Variants in UNC13C observed in about 807,000 individuals in gnomAD.
UNC13C encodes the protein protein unc-13 homolog C.
In UNC13C, 174 loss-of-function variants were observed where a neutral mutation model predicts 245.4. That is an observed-to-expected ratio of 0.71 (90% CI 0.63 to 0.80). The LOEUF is 0.80. UNC13C is among the 30% of genes least tolerant of loss of function. The pLI is 0.00. For synonymous variants in UNC13C, 992 were observed against 895.1 expected, an observed-to-expected ratio of 1.11 and a Z score of -1.93; for missense variants, 2,829 against 2,602.9, an observed-to-expected ratio of 1.09 and a Z score of -1.89.
At chr15:54,439,774 A>G (rs1423280670) in intron 19 of UNC13C, among the ~76,000 whole-genome samples, 1 of 152,010 alleles carries the variant, frequency 6.6e-6, no homozygotes, top group African/African-American at 2.4e-5. Context: ...TATCATTCCT[A>G]TGAATTGGGA....
chr15:53,954,908 C>A, the UNC13C span, among the ~76,000 whole-genome samples: 4 of 152,078 alleles, frequency 2.6e-5, no homozygotes, highest in Non-Finnish European at 4.4e-5. Context: ...TAGGTTGTAC[C>A]ATTAGGCTTT....
intron 17 of UNC13C, among the ~76,000 whole-genome samples, chr15:54,385,530 A>G (rs1050511766): frequency 6.7e-6 from 1 of 149,814 alleles, no homozygotes; most frequent in Admixed American, 6.7e-5. Context: ...TAGATACCAG[A>G]CACTGGGAAA....
At chr15:54,391,492 C>T (rs999180924) in intron 17 of UNC13C, among the ~76,000 whole-genome samples, 3 of 151,872 alleles carry the variant, frequency 2.0e-5, no homozygotes, top group Admixed American at 2.0e-4. Context: ...GCATTACTGT[C>T]CATTACTTCC....
chr15:54,551,236 C>T (rs1896723315), intron 28 of UNC13C, among the ~76,000 whole-genome samples: 1 of 152,008 alleles, frequency 6.6e-6, no homozygotes, highest in Admixed American at 6.6e-5. Context: ...AGTTGGTTGT[C>T]TCTGCTCTCA....
chr15:54,265,567 G>C lies in UNC13C; in HGVS notation c.3818+71G>C, dbSNP rs74013569. ...AATGAATTTAAGACAGGCATACAAA[G>C]GATGCAATAATTATCTCATTTTTTA... is the stretch of plus-strand genomic sequence containing the variant. On this transcript the variant is annotated intron_variant, in intron 10 of 32. Transcript: ENST00000260323. The C allele has an allele frequency of 6.0e-6, 7 of 1,161,188 alleles. No homozygotes were observed. In the African/African-American group the frequency reaches 1.1e-4, roughly 18 times the overall value. The allele number at this position is 1,161,188 out of a possible 1,614,324, so 71.9% of individuals were successfully genotyped here. A position where few individuals can be genotyped will look rare whatever the true frequency, so the allele number is the denominator to read the frequency against.
rs541312003 is a variant in UNC13C, at chr15:54,305,778, G to A, written c.4268+5405G>A. ...AATGCTGTCTTTTCTCTATAATAAG[G>A]ATACTTAACCATTTTCGAAAAAGAC... On this transcript the variant is annotated intron_variant, in intron 13 of 32. Coordinates refer to ENST00000260323, the MANE Select transcript of UNC13C (RefSeq NM_001080534.3). 2.0e-4 allele frequency among the ~76,000 whole-genome samples: 30 copies of A among 152,028 alleles called. No homozygotes were observed. In the East Asian group the frequency reaches 5.8e-3, roughly 30 times the overall value.
Position 54,425,781 on chromosome 15 carries a change from A to T in UNC13C, c.4933+10714A>T, listed in dbSNP as rs1051842503. Among the ~76,000 whole-genome samples, 9 of 151,988 alleles carry T rather than the reference A, an allele frequency of 5.9e-5. No individual in the cohort carries two copies. In the East Asian group the frequency reaches 1.8e-3, roughly 30 times the overall value. ...CATCTATGCAACAAATTATCACCAA[A>T]GTTAGTGCATAAAACAATGCAAATG... On this transcript the variant is annotated intron_variant, in intron 19 of 32. Coordinates refer to ENST00000260323, the MANE Select transcript of UNC13C (RefSeq NM_001080534.3).
chr15:54,379,403 T>C (rs1168474732), intron 17 of UNC13C, among the ~76,000 whole-genome samples: 1 of 152,194 alleles, frequency 6.6e-6, no homozygotes, highest in African/African-American at 2.4e-5. Flanking sequence ...TGACTGATAC[T>C]GGCACCCAAA....
At chr15:54,169,986 C>CTTTTTTTTTT (rs1303812026) in intron 4 of UNC13C, among the ~76,000 whole-genome samples, 1 of 92,910 alleles carries the variant, frequency 1.1e-5, no homozygotes, top group African/African-American at 4.0e-5. Flanking sequence ...GGACAATATC[C>CTTTTTTTTTT]TTTTTCTTTT....
chr15:53,901,117 T>C, the UNC13C span, among the ~76,000 whole-genome samples: 2 of 151,982 alleles, frequency 1.3e-5, no homozygotes, highest in African/African-American at 2.4e-5. Context: ...ATTTATTATA[T>C]TCGATTAACA....
chr15:54,344,959 T>C (rs2140827728), intron 17 of UNC13C, among the ~76,000 whole-genome samples: 1 of 138,530 alleles, frequency 7.2e-6, no homozygotes, highest in East Asian at 2.0e-4. Context: ...AGAATTATTT[T>C]TTAAAAAAGG....
At chr15:54,282,629 C>T (rs1342978338) in intron 10 of UNC13C, among the ~76,000 whole-genome samples, 1 of 152,130 alleles carries the variant, frequency 6.6e-6, no homozygotes, top group Non-Finnish European at 1.5e-5. Flanking sequence ...CCCCTTGCCT[C>T]ATCATGTGGG....
chr15:54,145,486 T>C (rs1448575462), intron 4 of UNC13C, among the ~76,000 whole-genome samples: 1 of 152,202 alleles, frequency 6.6e-6, no homozygotes, highest in Non-Finnish European at 1.5e-5. Flanking sequence ...CATATTCTAA[T>C]GTTATAGTAA....
chr15:54,166,218 A>T lies in UNC13C; in HGVS notation c.3071+22534A>T, dbSNP rs140549171. On this transcript the variant is annotated intron_variant, in intron 4 of 32. Coordinates refer to ENST00000260323, the MANE Select transcript of UNC13C (RefSeq NM_001080534.3). ...GCCTTTAGATAATGCTTACAAAACT[A>T]TTCCCAACAGAAAAATTATGAGAAT... is the stretch of plus-strand genomic sequence containing the variant. Among the ~76,000 whole-genome samples the T allele has an allele frequency of 3.0e-3, 450 of 152,184 alleles. 3 individuals carry two copies. Among genetic ancestry groups the T allele is most frequent in the African/African-American group, 0.01 (435 of 41,558 alleles).
intron 4 of UNC13C, among the ~76,000 whole-genome samples, chr15:54,177,721 AGTCTCCT>A (rs1368298425): frequency 7.2e-5 from 11 of 152,118 alleles, no homozygotes; most frequent in Admixed American, 7.2e-4. Flanking sequence ...CAGTGTACTC[AGTCTCCT>A]GTTGTTATAT....
intron 4 of UNC13C, among the ~76,000 whole-genome samples, chr15:54,183,469 A>C (rs2033866700): frequency 6.6e-6 from 1 of 151,842 alleles, no homozygotes; most frequent in Non-Finnish European, 1.5e-5. Flanking sequence ...AAACTTTCAT[A>C]TATATATGAT....
intron 13 of UNC13C, 102 bp from the exon 14 acceptor site, chr15:54,321,837 A>G (rs2038168063): frequency 1.7e-6 from 2 of 1,176,802 alleles, no homozygotes; most frequent in Non-Finnish European, 2.4e-6. Context: ...TCTCCTTTTC[A>G]TAGATGTAGC....
intron 4 of UNC13C, among the ~76,000 whole-genome samples, chr15:54,196,249 G>T (rs1488599505): frequency 6.6e-6 from 1 of 152,038 alleles, no homozygotes; most frequent in African/African-American, 2.4e-5. Context: ...AAGTGGAAAT[G>T]CAGAGAGACA....
the UNC13C span, among the ~76,000 whole-genome samples, chr15:53,878,372 T>C: frequency 6.6e-6 from 1 of 152,116 alleles, no homozygotes; most frequent in East Asian, 1.9e-4. Flanking sequence ...TTCTTTTACC[T>C]TGATCAACAC....
Sources: gnomAD v4.1 joint callset for allele counts (sites outside exome capture counted in the v4.1 genomes callset) on GRCh38, gnomAD v4.1.1 for gene constraint, MANE v1.5 for transcripts, NCBI Gene and HGNC (gene_info 2026-07-23, HGNC 2026-07-21) for gene names.